Variants in ABCC9 observed in about 807,000 individuals in gnomAD.
ABCC9 encodes ATP-binding cassette sub-family C member 9.
Under a neutral mutation model 188.3 loss-of-function variants are expected in ABCC9, and 95 were observed. The observed-to-expected ratio is 0.50, with a 90% CI of 0.43 to 0.60. The LOEUF is 0.60. Among genes scored for constraint, ABCC9 ranks in the 20% least tolerant of loss-of-function variants. The pLI, the probability that ABCC9 is intolerant of heterozygous loss-of-function variation, is 0.00. For missense variants in ABCC9, 1,102 were observed against 1,876.3 expected, an observed-to-expected ratio of 0.59 and a Z score of 7.62; for synonymous variants, 659 against 652.7, an observed-to-expected ratio of 1.01 and a Z score of -0.15.
At position 21,887,883 on chromosome 12, in the gene ABCC9, A is replaced by G. The variant is rs2137691526; in HGVS notation, c.1854T>C (p.Ser618=). ...FLLSDEIGDD[S]WRTGESSLPF... ...GAAGCGAACTTTCACCAGTTCGCCA[A>G]CTGTCGTCACCAATCTCATCACTCA... is the stretch of plus-strand genomic sequence containing the variant. Residue 618 remains serine (S), a synonymous_variant, in exon 15 of 40, where the codon AGT becomes AGC. Transcript: ENST00000261200. 2 of 1,613,582 alleles carry G rather than the reference A, an allele frequency of 1.2e-6. No homozygotes were observed. The highest frequency in any genetic ancestry group is 1.7e-6 in the Non-Finnish European group (2 of 1,179,586).
At chr12:21,817,838 T>A (rs978936222) in intron 32 of ABCC9, among the ~76,000 whole-genome samples, 8 of 152,186 alleles carry the variant, frequency 5.3e-5, no homozygotes, top group African/African-American at 1.9e-4. Context: ...GAATAAGAGT[T>A]GGTAATAACT....
At chr12:21,849,868 G>A (rs1310507711) in intron 24 of ABCC9, among the ~76,000 whole-genome samples, 1 of 152,090 alleles carries the variant, frequency 6.6e-6, no homozygotes, top group Non-Finnish European at 1.5e-5. Flanking sequence ...TGTCATTTAA[G>A]CTAATATTTA....
rs746678905 is a variant in ABCC9 at position 21,805,329 on chromosome 12, AAAG to A, written c.4512+666_4512+668del. ...ACACGGTGCTGGAGAGAAAAATAGA[AAAG>A]AAGAGAATCAGCAGAAGGAAAAATG... On this transcript the variant is annotated intron_variant, in intron 39 of 39. Coordinates refer to ENST00000261200, the MANE Select transcript of ABCC9 (RefSeq NM_020297.4). 5.6e-6 allele frequency: 9 copies of A among 1,611,934 alleles called. No individual in the cohort carries two copies. The highest frequency in any genetic ancestry group is 4.0e-5 in the African/African-American group (3 of 74,894).
intron 34 of ABCC9, 88 bp downstream of exon 34, chr12:21,815,675 T>A (rs978862339): frequency 2.0e-6 from 3 of 1,521,230 alleles, no homozygotes; most frequent in Admixed American, 3.4e-5. Context: ...CTTACTTGGC[T>A]GGGAAGTATG....
At chr12:21,837,752 G>T (rs1463462730) in intron 30 of ABCC9, among the ~76,000 whole-genome samples, 2 of 144,968 alleles carry the variant, frequency 1.4e-5, no homozygotes, top group African/African-American at 5.2e-5. Context: ...ATATTAACTA[G>T]TCCAATGACC....
At chr12:21,911,706 C>A (rs1948332264) in intron 8 of ABCC9, among the ~76,000 whole-genome samples, 1 of 151,960 alleles carries the variant, frequency 6.6e-6, no homozygotes, top group South Asian at 2.1e-4. Context: ...TACTTCTGGT[C>A]CCTTCCTCCT....
chr12:21,851,948 G>A, intron 24 of ABCC9, 149 bp downstream of exon 24: 1 of 954,802 alleles, frequency 1.0e-6, no homozygotes, highest in East Asian at 2.7e-5. Flanking sequence ...TTAATAATAT[G>A]CAAAGATACA....
chr12:21,828,368 T>G (rs543501533), intron 31 of ABCC9: 1 of 162,930 alleles, frequency 6.1e-6, no homozygotes, highest in Non-Finnish European at 1.4e-5. Context: ...AGGGGATTTA[T>G]GTTACTTTTA....
intron 29 of ABCC9, among the ~76,000 whole-genome samples, chr12:21,840,917 A>C (rs1319900649): frequency 2.0e-5 from 3 of 152,128 alleles, no homozygotes; most frequent in African/African-American, 7.2e-5. Context: ...ATCTCCTCCT[A>C]CTTTCTTTCA....
intron 18 of ABCC9, among the ~76,000 whole-genome samples, chr12:21,870,267 T>C (rs1008257114): frequency 6.6e-6 from 1 of 152,138 alleles, no homozygotes; most frequent in Non-Finnish European, 1.5e-5. Flanking sequence ...TTTTGTTTTT[T>C]TTTTTAAGAG....
intron 31 of ABCC9, among the ~76,000 whole-genome samples, chr12:21,826,953 G>A (rs1591997811): frequency 6.6e-6 from 1 of 152,168 alleles, no homozygotes; most frequent in East Asian, 1.9e-4. Context: ...TACACAGAAA[G>A]CAAGGAGAAG....
chr12:21,807,526 A>C (rs1941941187), intron 37 of ABCC9, 47 bp from the exon 38 acceptor site: 1 of 1,612,282 alleles, frequency 6.2e-7, no homozygotes. Flanking sequence ...AATGCTACTA[A>C]CATTTACCTT....
intron 2 of ABCC9, 55 bp from the exon 3 acceptor site, chr12:21,936,749 A>G (rs1476652326): frequency 3.0e-6 from 4 of 1,351,558 alleles, no homozygotes; most frequent in South Asian, 1.2e-5. Flanking sequence ...ACTCTTGTTC[A>G]TAAAATTATT....
At chr12:21,928,492 T>A (rs1476920177) in intron 4 of ABCC9, among the ~76,000 whole-genome samples, 4 of 151,894 alleles carry the variant, frequency 2.6e-5, no homozygotes, top group Non-Finnish European at 5.9e-5. Flanking sequence ...AAACCAAAAT[T>A]CACTTACTAA....
chr12:21,915,478 A>ATGTGTGTATATGTG (rs1948549939), intron 7 of ABCC9, among the ~76,000 whole-genome samples, 190 bp downstream of exon 7: 1 of 9,606 alleles, frequency 1.0e-4, no homozygotes, highest in Non-Finnish European at 1.9e-4. Flanking sequence ...GTGTGTATAT[A>ATGTGTGTATATGTG]TGTGTGTGTG....
chr12:21,866,863 G>A (rs908296782), intron 18 of ABCC9, among the ~76,000 whole-genome samples: 3 of 152,076 alleles, frequency 2.0e-5, no homozygotes, highest in South Asian at 2.1e-4. Context: ...GGACTAGGTC[G>A]TTAAAAAGAG....
chr12:21,846,523 C>T (rs570914156), intron 25 of ABCC9, among the ~76,000 whole-genome samples: 2 of 152,260 alleles, frequency 1.3e-5, no homozygotes, highest in South Asian at 4.1e-4. Context: ...GTATGTACTT[C>T]ATACTATACT....
rs2138000131 is a variant in ABCC9 at position 21,926,033 on chromosome 12, A to AAAG, written c.312_314dup (p.Phe105dup). ...CAACGAATCCCATCACGGCTGGCAT[A>AAAG]AAGAGGTGGAGGTGCCTTGATTCCC... is the stretch of plus-strand genomic sequence containing the variant. On this transcript the variant is annotated inframe_insertion, in exon 5 of 40. Transcript: ENST00000261200. The AAAG allele has an allele frequency of 1.2e-6, 2 of 1,614,146 alleles. No homozygotes were observed. Among genetic ancestry groups the AAAG allele is most frequent in the East Asian group, 4.5e-5 (2 of 44,880 alleles).
chr12:21,935,808 T>C, intron 3 of ABCC9, among the ~76,000 whole-genome samples: 1 of 152,248 alleles, frequency 6.6e-6, no homozygotes, highest in East Asian at 1.9e-4. Context: ...ATTTTAGGTA[T>C]CAAAATACTT....
Sources: gnomAD v4.1 joint callset for allele counts (sites outside exome capture counted in the v4.1 genomes callset) on GRCh38, gnomAD v4.1.1 for gene constraint, MANE v1.5 for transcripts, NCBI Gene and HGNC (gene_info 2026-07-23, HGNC 2026-07-21) for gene names.